RAB11FIP3: variants seen among roughly 807,000 people sequenced by gnomAD.
RAB11FIP3 encodes the protein rab11 family-interacting protein 3.
In RAB11FIP3, 17 loss-of-function variants were observed where a neutral mutation model predicts 77.8. The observed-to-expected ratio is 0.22, with a 90% CI of 0.15 to 0.33. RAB11FIP3 has a LOEUF of 0.33. RAB11FIP3 is among the 10% of genes least tolerant of loss of function. The probability of loss-of-function intolerance (pLI) is 1.00; values close to 1 mark genes in which losing one functional copy is unlikely to be tolerated. For missense variants in RAB11FIP3, 1,005 were observed against 1,011.2 expected, an observed-to-expected ratio of 0.99 and a Z score of 0.08; for synonymous variants, 437 against 448.2, an observed-to-expected ratio of 0.98 and a Z score of 0.31.
At chr16:436,100 G>A (rs970390056) in intron 1 of RAB11FIP3, among the ~76,000 whole-genome samples, 2 of 152,136 alleles carry the variant, frequency 1.3e-5, no homozygotes, top group African/African-American at 4.8e-5. Flanking sequence ...CACAAGGTCA[G>A]GAGTTCGAGA....
chr16:500,612 C>T (rs1437655946), intron 6 of RAB11FIP3, among the ~76,000 whole-genome samples: 6 of 130,810 alleles, frequency 4.6e-5, no homozygotes, highest in African/African-American at 2.9e-5. Flanking sequence ...GGCTTGAACC[C>T]GGAAGGCAGA....
At chr16:444,620 G>T (rs1327782899) in intron 1 of RAB11FIP3, among the ~76,000 whole-genome samples, 2 of 152,194 alleles carry the variant, frequency 1.3e-5, no homozygotes, top group Non-Finnish European at 2.9e-5. Flanking sequence ...GGCTGAGGCA[G>T]GTGTTTTACT....
At chr16:450,738 A>T (rs964471486) in intron 1 of RAB11FIP3, among the ~76,000 whole-genome samples, 6 of 152,184 alleles carry the variant, frequency 3.9e-5, no homozygotes, top group Non-Finnish European at 5.9e-5. Context: ...ATGGAGTTCT[A>T]TGAGCTGAGG....
chr16:467,900 CTCAGGGAGGAGGTGCAGGGGCG>C (rs2055735310), intron 2 of RAB11FIP3, among the ~76,000 whole-genome samples: 1 of 7,158 alleles, frequency 1.4e-4, no homozygotes, highest in Non-Finnish European at 2.8e-4. Flanking sequence ...GTGCAGGGGC[CTCAGGGAGGAGGTGCAGGGGCG>C]TCAGGGAGGA....
intron 3 of RAB11FIP3, among the ~76,000 whole-genome samples, chr16:473,427 A>T (rs2141690014): frequency 6.6e-6 from 1 of 151,656 alleles, no homozygotes; most frequent in African/African-American, 2.4e-5. Flanking sequence ...ATCACGTTAC[A>T]TGATTATTTG....
At chr16:431,272 A>G (rs561141628) in intron 1 of RAB11FIP3, among the ~76,000 whole-genome samples, 1 of 152,304 alleles carries the variant, frequency 6.6e-6, no homozygotes, top group East Asian at 1.9e-4. Flanking sequence ...TGCTGACTGA[A>G]TTGCTGAAAG....
chr16:437,852 G>C (rs1034222678), intron 1 of RAB11FIP3, among the ~76,000 whole-genome samples: 4 of 151,830 alleles, frequency 2.6e-5, no homozygotes, highest in African/African-American at 9.7e-5. Flanking sequence ...GAGTGCAATG[G>C]CACGATCTTG....
intron 1 of RAB11FIP3, among the ~76,000 whole-genome samples, chr16:451,127 G>A (rs1373347674): frequency 6.6e-6 from 1 of 152,060 alleles, no homozygotes; most frequent in African/African-American, 2.4e-5. Context: ...TAATGTGGAG[G>A]CAGCTCTGAA....
At chr16:468,287 G>T (rs1426311769) in intron 2 of RAB11FIP3, among the ~76,000 whole-genome samples, 1 of 150,678 alleles carries the variant, frequency 6.6e-6, no homozygotes, top group Non-Finnish European at 1.5e-5. Context: ...AGGAGGTGCA[G>T]GGGCGTCAGG....
intron 6 of RAB11FIP3, among the ~76,000 whole-genome samples, chr16:501,452 C>G (rs1411425409): frequency 1.1e-4 from 11 of 97,904 alleles, no homozygotes; most frequent in Admixed American, 2.5e-4. Flanking sequence ...CAAGGAAGCT[C>G]GGAGAGGATC....
At chr16:448,807 C>G (rs1231164958) in intron 1 of RAB11FIP3, among the ~76,000 whole-genome samples, 1 of 150,438 alleles carries the variant, frequency 6.6e-6, no homozygotes, top group Admixed American at 6.6e-5. Flanking sequence ...CCCAGCTACT[C>G]GGGAGGCTGA....
In RAB11FIP3 at chr16:461,540, C is replaced by T. The variant is rs968140993; in HGVS notation, c.808+43C>T. 1.3e-6 allele frequency: 2 copies of T among 1,516,156 alleles called. No individual in the cohort carries two copies. The highest frequency in any genetic ancestry group is 2.3e-5 in the East Asian group (1 of 44,224). 93.9% of individuals were successfully genotyped at this position (1,516,156 alleles called of 1,614,324 possible). A position where few individuals can be genotyped will look rare whatever the true frequency, so the allele number is the denominator to read the frequency against. ...TGAGCTCCCACCTCCTCTCCCGTTC[C>T]TCAGCCACCCTCTCAGCCACCTGCA... On this transcript the variant is annotated intron_variant, in intron 2 of 13. Coordinates refer to ENST00000262305, the MANE Select transcript of RAB11FIP3 (RefSeq NM_014700.4). The surrounding 1 kb of genome is among the most constrained non-coding windows in gnomAD (Gnocchi z 4.5).
chr16:494,613 C>T (rs1220090119), intron 5 of RAB11FIP3, among the ~76,000 whole-genome samples: 2 of 151,686 alleles, frequency 1.3e-5, no homozygotes, highest in Non-Finnish European at 2.9e-5. Context: ...CACAGTGAGA[C>T]TCCATCTTAA....
At chr16:495,291 C>G (rs1159178701) in intron 5 of RAB11FIP3, among the ~76,000 whole-genome samples, 2 of 152,066 alleles carry the variant, frequency 1.3e-5, no homozygotes, top group African/African-American at 4.8e-5. Flanking sequence ...AGCCCCCCAG[C>G]TACAGTCACT....
At chr16:518,186 C>A (rs1251878022) in intron 9 of RAB11FIP3, among the ~76,000 whole-genome samples, 1 of 152,240 alleles carries the variant, frequency 6.6e-6, no homozygotes. Context: ...TCAAGTGATC[C>A]TCCTACCTCA....
In RAB11FIP3 at chr16:506,082, G is replaced by A. The variant is rs533285101; in HGVS notation, c.1499+455G>A. Among the ~76,000 whole-genome samples the A allele has an allele frequency of 2.0e-5, 3 of 152,342 alleles. No homozygotes were observed. Among genetic ancestry groups the A allele is most frequent in the African/African-American group, 4.8e-5 (2 of 41,576 alleles). ...GAAATGAGCAGTGACTGCTGAGTAC[G>A]CGACAGGACGCGCAGTCTCATCGCT... is the stretch of plus-strand genomic sequence containing the variant. On this transcript the variant is annotated intron_variant, in intron 8 of 13. Coordinates refer to ENST00000262305, the MANE Select transcript of RAB11FIP3 (RefSeq NM_014700.4). The surrounding 1 kb of genome is among the most constrained non-coding windows in gnomAD (Gnocchi z 4.5).
At chr16:487,650 G>T (rs8057544) in intron 4 of RAB11FIP3, among the ~76,000 whole-genome samples, 4 of 151,988 alleles carry the variant, frequency 2.6e-5, no homozygotes, top group Admixed American at 1.3e-4. Flanking sequence ...GAGCAGCGCC[G>T]GGCCTGCACA....
rs532048175 is a variant in RAB11FIP3 at position 437,211 on chromosome 16, G to A, written c.714+10491G>A. On this transcript the variant is annotated intron_variant, in intron 1 of 13. Coordinates refer to ENST00000262305, the MANE Select transcript of RAB11FIP3 (RefSeq NM_014700.4). ...GAGAATCGTTTGAACCTGGGAGGCG[G>A]GGGTTGCAGTGAGGCAAGATCGCGC... is the stretch of plus-strand genomic sequence containing the variant. Among the ~76,000 whole-genome samples, 7 of 152,120 alleles carry A rather than the reference G, an allele frequency of 4.6e-5. No homozygotes were observed. In the South Asian group the frequency reaches 1.0e-3, roughly 23 times the overall value.
In RAB11FIP3 at chr16:522,863, GAA is replaced by G. The variant is rs1164519870; in HGVS notation, c.*2025_*2026del. The G allele has an allele frequency of 6.6e-6, 1 of 152,328 alleles. No homozygotes were observed. Among genetic ancestry groups the G allele is most frequent in the East Asian group, 1.9e-4 (1 of 5,190 alleles). 9.4% of individuals were successfully genotyped at this position (152,328 alleles called of 1,614,324 possible). On this transcript the variant is annotated 3_prime_UTR_variant, in exon 14 of 14. Coordinates refer to ENST00000262305, the MANE Select transcript of RAB11FIP3 (RefSeq NM_014700.4). ...CGTCAAAACGTCCCCGGGATTAAGA[GAA>G]GAGTGGGGGGCAGGGCGCAGAGGCT...
Sources: allele counts gnomAD v4.1 joint callset (sites outside exome capture counted in the v4.1 genomes callset), GRCh38; gene constraint gnomAD v4.1.1; non-coding constraint Gnocchi (gnomAD v3.1); transcripts MANE v1.5; gene names NCBI Gene and HGNC (gene_info 2026-07-23, HGNC 2026-07-21).